SGCZ: variants seen among roughly 807,000 people sequenced by gnomAD.
The protein encoded by SGCZ is zeta-sarcoglycan.
SGCZ carries 40 observed loss-of-function variants against 41.3 expected under a neutral mutation model. That is an observed-to-expected ratio of 0.97 (90% CI 0.75 to 1.26). The LOEUF (loss-of-function observed/expected upper bound fraction) is 1.26. Among genes scored for constraint, SGCZ ranks in the 50% most tolerant of loss-of-function variants. The pLI is 0.00. For missense variants in SGCZ, 552 were observed against 369.8 expected, an observed-to-expected ratio of 1.49 and a Z score of -4.04; for synonymous variants, 206 against 137.5, an observed-to-expected ratio of 1.50 and a Z score of -3.49.
At chr8:15,151,150 C>G (rs1799169991) in intron 1 of SGCZ, among the ~76,000 whole-genome samples, 1 of 152,218 alleles carries the variant, frequency 6.6e-6, no homozygotes, top group Admixed American at 6.5e-5. Context: ...CTGCGGTACG[C>G]CAACCAACAA....
At chr8:14,216,098 G>A (rs1805984676) in intron 4 of SGCZ, among the ~76,000 whole-genome samples, 1 of 152,210 alleles carries the variant, frequency 6.6e-6, no homozygotes, top group South Asian at 2.1e-4. Context: ...AAATTAACAT[G>A]ATCGCCCTCC....
intron 1 of SGCZ, among the ~76,000 whole-genome samples, chr8:14,666,398 A>T (rs995483345): frequency 6.6e-6 from 1 of 152,184 alleles, no homozygotes; most frequent in African/African-American, 2.4e-5. Flanking sequence ...AATATTCCTC[A>T]TTTTATGATG....
At chr8:15,033,016 G>T (rs1420126375) in intron 1 of SGCZ, among the ~76,000 whole-genome samples, 1 of 151,934 alleles carries the variant, frequency 6.6e-6, no homozygotes, top group Non-Finnish European at 1.5e-5. Flanking sequence ...ACAGGCCAGC[G>T]CCTGTGGACA....
intron 2 of SGCZ, among the ~76,000 whole-genome samples, chr8:14,479,731 CTTTTTT>C (rs529812029): frequency 7.4e-4 from 39 of 52,952 alleles, no homozygotes; most frequent in African/African-American, 2.0e-3. Context: ...AATTCTACTT[CTTTTTT>C]TTTTTTTTTT....
intron 2 of SGCZ, among the ~76,000 whole-genome samples, chr8:14,394,264 C>A (rs1804900529): frequency 6.6e-6 from 1 of 151,428 alleles, no homozygotes; most frequent in Admixed American, 6.6e-5. Flanking sequence ...GATTCTCCTG[C>A]CTCAGCCTCC....
At chr8:15,170,802 A>G (rs147705642) in intron 1 of SGCZ, among the ~76,000 whole-genome samples, 4 of 152,352 alleles carry the variant, frequency 2.6e-5, no homozygotes, top group Admixed American at 6.5e-5. Context: ...AAAAACATCA[A>G]CTAGACTTTT....
At chr8:14,331,015 A>G (rs922308447) in intron 2 of SGCZ, among the ~76,000 whole-genome samples, 3 of 151,912 alleles carry the variant, frequency 2.0e-5, no homozygotes, top group East Asian at 1.9e-4. Flanking sequence ...AACAAATTCA[A>G]TAGGAAGGAA....
At chr8:14,267,604 G>A (rs943957316) in intron 3 of SGCZ, among the ~76,000 whole-genome samples, 6 of 151,974 alleles carry the variant, frequency 3.9e-5, no homozygotes, top group Non-Finnish European at 7.4e-5. Context: ...TCACTGCTAC[G>A]ATATTTTTGT....
intron 2 of SGCZ, among the ~76,000 whole-genome samples, chr8:14,522,653 T>G (rs561821782): frequency 1.3e-5 from 2 of 149,990 alleles, no homozygotes; most frequent in Admixed American, 1.3e-4. Flanking sequence ...AATTTTGTCA[T>G]TTTTTTTAAA....
At chr8:14,503,853 A>G (rs1313990924) in intron 2 of SGCZ, among the ~76,000 whole-genome samples, 3 of 152,176 alleles carry the variant, frequency 2.0e-5, no homozygotes, top group Non-Finnish European at 4.4e-5. Flanking sequence ...TCATTTATAG[A>G]CTTATTTGAA....
intron 1 of SGCZ, among the ~76,000 whole-genome samples, chr8:15,056,589 G>A (rs766541880): frequency 6.6e-6 from 1 of 151,158 alleles, no homozygotes; most frequent in Admixed American, 6.6e-5. Flanking sequence ...ATGTAGATAT[G>A]AGGTGCCTAC....
At chr8:14,434,758 T>TTC (rs1409467314) in intron 2 of SGCZ, among the ~76,000 whole-genome samples, 1 of 152,158 alleles carries the variant, frequency 6.6e-6, no homozygotes, top group Non-Finnish European at 1.5e-5. Flanking sequence ...GAGTTCTTGA[T>TTC]TCTCAGCTTG....
chr8:14,663,612 T>G (rs1347239252), intron 1 of SGCZ, among the ~76,000 whole-genome samples: 1 of 152,166 alleles, frequency 6.6e-6, no homozygotes, highest in East Asian at 1.9e-4. Context: ...TTAAATAGCA[T>G]TTAGACCAGC....
At chr8:14,919,287 A>C (rs1253539764) in intron 1 of SGCZ, among the ~76,000 whole-genome samples, 1 of 151,964 alleles carries the variant, frequency 6.6e-6, no homozygotes, top group Non-Finnish European at 1.5e-5. Context: ...AAAATACAAA[A>C]GAAATTAGCT....
intron 1 of SGCZ, among the ~76,000 whole-genome samples, chr8:14,686,563 T>A (rs761207875): frequency 6.6e-6 from 1 of 151,874 alleles, no homozygotes. Flanking sequence ...AGGATAGAGA[T>A]GGGAAACAGG....
At chr8:14,347,063 G>A (rs1802912296) in intron 2 of SGCZ, among the ~76,000 whole-genome samples, 1 of 152,014 alleles carries the variant, frequency 6.6e-6, no homozygotes, top group South Asian at 2.1e-4. Context: ...CAGCCATAGA[G>A]AATATTAGCC....
At chr8:14,603,755 G>A (rs759979172) in intron 1 of SGCZ, among the ~76,000 whole-genome samples, 13 of 152,108 alleles carry the variant, frequency 8.5e-5, no homozygotes, top group Non-Finnish European at 5.9e-5. Flanking sequence ...TAAAGTTGCT[G>A]CTTTCTCCCA....
At chr8:14,743,682 C>T (rs1799261806) in intron 1 of SGCZ, among the ~76,000 whole-genome samples, 1 of 151,968 alleles carries the variant, frequency 6.6e-6, no homozygotes, top group South Asian at 2.1e-4. Flanking sequence ...CTCTCCCCCG[C>T]CCGACACCCA....
At chr8:15,235,570 T>C (rs1344704664) in intron 1 of SGCZ, among the ~76,000 whole-genome samples, 1 of 152,146 alleles carries the variant, frequency 6.6e-6, no homozygotes, top group African/African-American at 2.4e-5. Flanking sequence ...GCTATGAGGA[T>C]CTCTGGATTA....
Sources: allele counts gnomAD v4.1 joint callset (sites outside exome capture counted in the v4.1 genomes callset), GRCh38; gene constraint gnomAD v4.1.1; transcripts MANE v1.5; gene names NCBI Gene and HGNC (gene_info 2026-07-23, HGNC 2026-07-21).